Variants in ZNF221 observed in about 807,000 individuals in gnomAD.
ZNF221 encodes the protein zinc finger protein 221.
A neutral mutation model predicts 12.6 loss-of-function variants in ZNF221; 10 were observed. The ratio of observed to expected loss-of-function variants is 0.79; its 90% CI spans 0.49 to 1.34. The LOEUF (loss-of-function observed/expected upper bound fraction) is 1.34, where lower values mean the gene tolerates loss of function less well. Ranked by LOEUF, ZNF221 falls within the 40% of genes most tolerant of loss-of-function variation. The pLI, the probability that ZNF221 is intolerant of heterozygous loss-of-function variation, is 0.00. For missense variants in ZNF221, 661 were observed against 721.4 expected (o/e 0.92, Z 0.96); for synonymous variants, 232 against 244.0 (o/e 0.95, Z 0.46).
intron 1 of ZNF221, among the ~76,000 whole-genome samples, chr19:43,958,989 GTTT>G (rs3082682): frequency 4.0e-5 from 6 of 149,920 alleles, no homozygotes; most frequent in Admixed American, 6.6e-5. Flanking sequence ...GTTTTTGGTT[GTTT>G]TTTTTTTTTC....
At position 43,967,700 on chromosome 19, in the gene ZNF221, G is replaced by A. The variant is rs564699304; in HGVS notation, c.*344G>A. 20 of 202,596 alleles carry A rather than the reference G, an allele frequency of 9.9e-5. No homozygotes were observed. Among genetic ancestry groups the A allele is most frequent in the South Asian group, 4.1e-4 (4 of 9,816 alleles). 12.5% of individuals were successfully genotyped at this position (202,596 alleles called of 1,614,324 possible). A position where few individuals can be genotyped will look rare whatever the true frequency, so the allele number is the denominator to read the frequency against. The stretch of plus-strand genomic sequence containing the variant: ...TCACCGTGTTAGCCAGGATGGTCTC[G>A]ATCTCCTGACCTCGTGATCCGCCCG... On this transcript the variant is annotated 3_prime_UTR_variant, in exon 5 of 5. Coordinates refer to ENST00000587682, the MANE Select transcript of ZNF221 (RefSeq NM_001297588.2).
rs1484811448 is a variant in ZNF221 at position 43,965,072 on chromosome 19, A to C, written c.204A>C (p.Ser68=). 6.2e-6 allele frequency: 10 copies of C among 1,614,170 alleles called. No individual in the cohort carries two copies. The highest frequency in any genetic ancestry group is 8.5e-6 in the Non-Finnish European group (10 of 1,180,008). The part of the protein sequence containing the change: ...VMLENFRNLL[S]VGNQPFHQDT... ...TAGAGAACTTCAGGAACCTGCTCTC[A>C]GTAGGTGAGGACAGGCACCCTCTGT... is the stretch of plus-strand genomic sequence containing the variant. Residue 68 remains serine, a synonymous_variant, in exon 3 of 5, where the codon TCA becomes TCC. Coordinates refer to ENST00000587682, the MANE Select transcript of ZNF221 (RefSeq NM_001297588.2).
intron 2 of ZNF221, 91 bp from the exon 3 acceptor site, chr19:43,964,859 A>G: frequency 6.5e-7 from 1 of 1,541,296 alleles, no homozygotes; most frequent in South Asian, 1.2e-5. Context: ...AGGACAACTT[A>G]CCACACCTGT....
Position 43,967,333 on chromosome 19 carries a change from CTA to C in ZNF221, c.1833_1834del (p.Cys612TrpfsTer22). The C allele has an allele frequency of 1.2e-6, 2 of 1,612,160 alleles. No homozygotes were observed. Among genetic ancestry groups the C allele is most frequent in the South Asian group, 1.1e-5 (1 of 90,924 alleles). On this transcript the variant is annotated frameshift_variant, in exon 5 of 5. Transcript: ENST00000587682. LOFTEE classifies it high-confidence loss of function. ...CACAGCTTCATTTACATCAGTAAGT[CTA>C]TGTGGGAGAAAAGCCATATAAATGT... is the stretch of plus-strand genomic sequence containing the variant. Reference protein sequence around the residue: ...EFTASFTSVSLCGRKAI With the variant: ...EFTASFTSVSXCGRKAI
At chr19:43,978,174 TA>T in the ZNF221 span, among the ~76,000 whole-genome samples, 2 of 151,708 alleles carry the variant, frequency 1.3e-5, no homozygotes, top group East Asian at 3.9e-4. Context: ...TTCCCAACTC[TA>T]AGAAGAAGAG....
rs866670011 is a variant in ZNF221 at position 43,965,283 on chromosome 19, T to C, written c.259T>C (p.Phe87Leu). The C allele has an allele frequency of 2.5e-6, 4 of 1,613,534 alleles. No homozygotes were observed. The African/African-American group carries it at 4.0e-5, about 16-fold the overall frequency. ...DTFHFLGKEK[F>L]WKMKTTSQRE... ...TTTCCACTTCTTAGGGAAGGAAAAGTTTTGGAAGATGAAGACAACAAGCCA... is the reference window on the plus strand; with the variant it reads ...TTTCCACTTCTTAGGGAAGGAAAAGCTTTGGAAGATGAAGACAACAAGCCA... Residue 87 changes from phenylalanine (F) to leucine (L), a missense_variant, in exon 4 of 5, where the codon TTT (phenylalanine) becomes CTT (leucine). By Grantham distance (22) the Phe-to-Leu change is conservative. Transcript: ENST00000587682.
At position 43,966,061 on chromosome 19, in the gene ZNF221, C is replaced by T. The variant is rs1230036746; in HGVS notation, c.559C>T (p.Leu187Phe). The T allele has an allele frequency of 1.2e-5, 19 of 1,614,090 alleles. No homozygotes were observed. Among genetic ancestry groups the T allele is most frequent in the Non-Finnish European group, 1.5e-5 (18 of 1,180,046 alleles). Residue 187 changes from leucine to phenylalanine, a missense_variant, in exon 5 of 5, where the codon CTT becomes TTT. Transcript: ENST00000587682. ...CTTCAGTGATGTTTCTGTCTTTGATCTTCATCAACAATCACACTCAGGAGA... is the reference window on the plus strand; with the variant it reads ...CTTCAGTGATGTTTCTGTCTTTGATTTTCATCAACAATCACACTCAGGAGA... Reference protein sequence around the residue: ...QSFSDVSVFDLHQQSHSGEKS... With the variant: ...QSFSDVSVFDFHQQSHSGEKS...
chr19:43,951,732 G>T (rs1445374388), intron 1 of ZNF221, among the ~76,000 whole-genome samples: 1 of 152,044 alleles, frequency 6.6e-6, no homozygotes, highest in Non-Finnish European at 1.5e-5. Context: ...AGTGAATGGC[G>T]ATCTCTTGTT....
intron 1 of ZNF221, among the ~76,000 whole-genome samples, chr19:43,954,086 A>AG (rs1406611913): frequency 5.0e-4 from 74 of 148,378 alleles, no homozygotes; most frequent in African/African-American, 1.7e-3. Flanking sequence ...TCCGTCTCAA[A>AG]AAAAAAAAAA....
downstream of ZNF221, among the ~76,000 whole-genome samples, chr19:43,972,254 A>C (rs1030950178): frequency 4.6e-5 from 7 of 152,230 alleles, no homozygotes; most frequent in African/African-American, 1.7e-4. Context: ...ACAATGTACC[A>C]GAATCTCTGG....
downstream of ZNF221, among the ~76,000 whole-genome samples, chr19:43,969,825 G>A (rs1181882500): frequency 6.6e-6 from 1 of 152,190 alleles, no homozygotes; most frequent in African/African-American, 2.4e-5. Context: ...TGACAAAGCT[G>A]TTCCAGCCTG....
At chr19:43,973,850 C>T in the ZNF221 span, among the ~76,000 whole-genome samples, 988 of 152,166 alleles carry the variant, frequency 6.5e-3, 8 homozygotes, top group Non-Finnish European at 6.8e-3. Flanking sequence ...CAATGCTATT[C>T]CCATTAAACT....
At chr19:43,965,777 A>G in intron 4 of ZNF221, 27 bp from the exon 5 acceptor site, 7 of 1,538,846 alleles carry the variant, frequency 4.5e-6, no homozygotes, top group Non-Finnish European at 6.1e-6. Context: ...TCACTTGCCC[A>G]CATATATTAA....
chr19:43,966,358 G>A lies in ZNF221; in HGVS notation c.856G>A (p.Glu286Lys). The part of the protein sequence containing the change: ...HTGEKPYNCE[E>K]CGKAFIHDSQ... ...AGGAGAGAAACCTTATAATTGTGAG[G>A]AATGTGGGAAAGCCTTCATTCATGA... Residue 286 changes from glutamate to lysine, a missense_variant, in exon 5 of 5, where the codon GAA becomes AAA. Glu to Lys is a moderately conservative substitution (Grantham distance 56). Coordinates refer to ENST00000587682, the MANE Select transcript of ZNF221 (RefSeq NM_001297588.2). 1 of 1,614,116 alleles carries A rather than the reference G, an allele frequency of 6.2e-7. No individual in the cohort carries two copies. The highest frequency in any genetic ancestry group is 8.5e-7 in the Non-Finnish European group (1 of 1,180,018).
At chr19:43,980,371 C>T in the ZNF221 span, among the ~76,000 whole-genome samples, 17,124 of 152,204 alleles carry the variant, frequency 0.11, 1,020 homozygotes, top group East Asian at 0.14. Context: ...CTTCAATAAA[C>T]GGGAGGTCAG....
intron 3 of ZNF221, 49 bp from the exon 4 acceptor site, chr19:43,965,184 A>G: frequency 1.3e-6 from 2 of 1,594,448 alleles, no homozygotes; most frequent in South Asian, 2.2e-5. Flanking sequence ...TTTTCCCTAG[A>G]TATTACCTAC....
chr19:43,972,965 G>A, the ZNF221 span, among the ~76,000 whole-genome samples: 17 of 152,058 alleles, frequency 1.1e-4, no homozygotes, highest in Non-Finnish European at 1.9e-4. Context: ...AAAACTTCAG[G>A]CCAGTATCCC....
the ZNF221 span, among the ~76,000 whole-genome samples, chr19:43,976,655 G>A: frequency 1.3e-5 from 2 of 152,186 alleles, no homozygotes; most frequent in African/African-American, 2.4e-5. Flanking sequence ...GACTTCTCAG[G>A]TAGAAGCTTT....
At chr19:43,973,809 TG>T in the ZNF221 span, among the ~76,000 whole-genome samples, 7 of 152,284 alleles carry the variant, frequency 4.6e-5, no homozygotes, top group East Asian at 9.7e-4. Context: ...TATTGTGAAA[TG>T]GCCATACTGC....
Sources: gnomAD v4.1 joint callset for allele counts (sites outside exome capture counted in the v4.1 genomes callset) on GRCh38, gnomAD v4.1.1 for gene constraint, MANE v1.5 for transcripts, NCBI Gene and HGNC (gene_info 2026-07-23, HGNC 2026-07-21) for gene names.